Variants in DCLK2 observed in about 807,000 individuals in gnomAD.
DCLK2 encodes the protein doublecortin like kinase 2, also known as serine/threonine-protein kinase DCLK2.
In DCLK2, 31 loss-of-function variants were observed where a neutral mutation model predicts 78.4. The ratio of observed to expected loss-of-function variants is 0.40; its 90% CI spans 0.30 to 0.53. DCLK2 has a LOEUF of 0.53. Among genes scored for constraint, DCLK2 ranks in the 20% least tolerant of loss-of-function variants. DCLK2 has a pLI of 0.61. For synonymous variants in DCLK2, 407 were observed against 374.9 expected (o/e 1.09, Z -0.99); for missense variants, 872 against 973.7 (o/e 0.90, Z 1.39).
At chr4:150,132,672 AC>A (rs1733400934) in intron 2 of DCLK2, among the ~76,000 whole-genome samples, 1 of 152,038 alleles carries the variant, frequency 6.6e-6, no homozygotes, top group Non-Finnish European at 1.5e-5. Context: ...GCAGCCTTCA[AC>A]TCCTGGGCTC....
At chr4:150,080,103 T>A in intron 1 of DCLK2, among the ~76,000 whole-genome samples, 1 of 135,142 alleles carries the variant, frequency 7.4e-6, no homozygotes, top group African/African-American at 2.7e-5. Context: ...GCGTCTGGAG[T>A]CTCAAAAGCC....
intron 2 of DCLK2, among the ~76,000 whole-genome samples, chr4:150,171,370 A>G (rs1237995783): frequency 6.6e-6 from 1 of 152,200 alleles, no homozygotes; most frequent in Non-Finnish European, 1.5e-5. Context: ...AGTGCCAGCT[A>G]CTTGGGAGGC....
intron 2 of DCLK2, among the ~76,000 whole-genome samples, chr4:150,182,881 C>G (rs1262017685): frequency 1.1e-4 from 16 of 152,078 alleles, no homozygotes; most frequent in Admixed American, 1.0e-3. Flanking sequence ...TTTTTAACTA[C>G]TCTTAGATAG....
chr4:150,234,379 C>G (rs1256466154), intron 10 of DCLK2, among the ~76,000 whole-genome samples: 3 of 152,124 alleles, frequency 2.0e-5, no homozygotes, highest in Non-Finnish European at 4.4e-5. Context: ...ATCTTTATAT[C>G]TCCAATGGTT....
At chr4:150,081,830 T>TA (rs144505113) in intron 1 of DCLK2, among the ~76,000 whole-genome samples, 4,730 of 143,112 alleles carry the variant, frequency 0.033, 193 homozygotes, top group Admixed American at 0.075. Flanking sequence ...CATCTCTACT[T>TA]AAAAAAAAAA....
At chr4:150,140,228 C>G (rs1440756729) in intron 2 of DCLK2, among the ~76,000 whole-genome samples, 2 of 152,154 alleles carry the variant, frequency 1.3e-5, no homozygotes, top group African/African-American at 4.8e-5. Flanking sequence ...GTTAGCTTAT[C>G]TTCTTTAATT....
rs946548085 is a variant in DCLK2 at position 150,166,749 on chromosome 4, G to A, written c.757-26389G>A. ...TCCAAGCAGTGATTAAGTCCTTTTT[G>A]TTCATGCAATCTTTGTGCACTGTCA... is the stretch of plus-strand genomic sequence containing the variant. On this transcript the variant is annotated intron_variant, in intron 2 of 15. Transcript: ENST00000296550. Among the ~76,000 whole-genome samples, 8 of 129,030 alleles carry A rather than the reference G, an allele frequency of 6.2e-5. No homozygotes were observed. The South Asian group carries it at 2.4e-3, about 39-fold the overall frequency. The allele number at this position is 129,030 out of a possible 152,430, so 84.6% of individuals were successfully genotyped here.
chr4:150,224,617 A>C (rs1021587669), intron 8 of DCLK2, 59 bp downstream of exon 8: 1 of 1,457,698 alleles, frequency 6.9e-7, no homozygotes, highest in Non-Finnish European at 9.4e-7. Context: ...TGAGGTGTTT[A>C]CTGTGATGAA....
chr4:150,239,964 A>G (rs562112798), intron 11 of DCLK2, 89 bp downstream of exon 11: 88 of 1,445,888 alleles, frequency 6.1e-5, no homozygotes, highest in Middle Eastern at 2.3e-4. Flanking sequence ...TACAGTTGGT[A>G]AGAAAGGTCT....
intron 2 of DCLK2, among the ~76,000 whole-genome samples, chr4:150,132,745 A>G (rs552373454): frequency 2.6e-5 from 4 of 152,214 alleles, no homozygotes; most frequent in East Asian, 1.9e-4. Flanking sequence ...GGCACATGCT[A>G]CTTCACCCAG....
chr4:150,249,524 G>C, intron 14 of DCLK2, 44 bp from the exon 15 acceptor site: 1 of 1,555,566 alleles, frequency 6.4e-7, no homozygotes, highest in Non-Finnish European at 8.9e-7. Context: ...ACTCAAACGG[G>C]AGGATGGAAA....
intron 2 of DCLK2, among the ~76,000 whole-genome samples, chr4:150,115,774 A>AT (rs1287174655): frequency 6.6e-6 from 1 of 152,118 alleles, no homozygotes; most frequent in Admixed American, 6.6e-5. Flanking sequence ...ACCGTTTTTA[A>AT]TTAATTTATT....
chr4:150,247,729 T>C lies in DCLK2; in HGVS notation c.1875+30T>C, dbSNP rs754370662. ...CCTCCAGGCCTGTTTCTGTGGGTTG[T>C]ATTACGTTGTGGGGTCCTCACCCAT... On this transcript the variant is annotated intron_variant, in intron 13 of 15. Coordinates refer to ENST00000296550, the MANE Select transcript of DCLK2 (RefSeq NM_001040260.4). The C allele has an allele frequency of 3.8e-6, 6 of 1,585,690 alleles. No individual in the cohort carries two copies. In the African/African-American group the frequency reaches 8.1e-5, roughly 21 times the overall value.
intron 2 of DCLK2, among the ~76,000 whole-genome samples, chr4:150,141,843 T>G (rs958606069): frequency 6.6e-6 from 1 of 152,224 alleles, no homozygotes; most frequent in Non-Finnish European, 1.5e-5. Flanking sequence ...AGACAAGGAA[T>G]ATTTCCTCAT....
chr4:150,146,869 GT>G (rs1553960774), intron 2 of DCLK2, among the ~76,000 whole-genome samples: 2 of 152,024 alleles, frequency 1.3e-5, no homozygotes, highest in Non-Finnish European at 2.9e-5. Flanking sequence ...AGATCTGGCT[GT>G]ACCACCAAGA....
intron 1 of DCLK2, among the ~76,000 whole-genome samples, chr4:150,091,741 G>A (rs1305096869): frequency 4.6e-5 from 7 of 150,632 alleles, no homozygotes; most frequent in Non-Finnish European, 3.0e-5. Context: ...AAGATTCCAT[G>A]TAGTTCTTTG....
chr4:150,088,008 T>C (rs1239132434), intron 1 of DCLK2, among the ~76,000 whole-genome samples: 1 of 148,018 alleles, frequency 6.8e-6, no homozygotes, highest in East Asian at 1.9e-4. Context: ...AGAAAAACGT[T>C]TGCCTCTGAG....
intron 2 of DCLK2, among the ~76,000 whole-genome samples, chr4:150,128,495 G>T (rs1733073239): frequency 6.6e-6 from 1 of 152,092 alleles, no homozygotes; most frequent in African/African-American, 2.4e-5. Context: ...ATTGTAAGAG[G>T]ATTAATTTGC....
intron 8 of DCLK2, among the ~76,000 whole-genome samples, chr4:150,228,995 C>A (rs1021401403): frequency 6.7e-6 from 1 of 150,314 alleles, no homozygotes; most frequent in African/African-American, 2.5e-5. Context: ...CACTGCAGTC[C>A]GCAGTCCGGC....
Sources: allele counts gnomAD v4.1 joint callset (sites outside exome capture counted in the v4.1 genomes callset), GRCh38; gene constraint gnomAD v4.1.1; transcripts MANE v1.5; gene names NCBI Gene and HGNC (gene_info 2026-07-23, HGNC 2026-07-21).